Variants in NLRP2 observed in about 807,000 individuals in gnomAD.
NLRP2 encodes the protein NACHT, LRR and PYD domains-containing protein 2.
In NLRP2, 107 loss-of-function variants were observed where a neutral mutation model predicts 97.2. The observed-to-expected ratio is 1.10, with a 90% CI of 0.94 to 1.29. NLRP2 has a LOEUF of 1.29. Among genes scored for constraint, NLRP2 ranks in the 50% most tolerant of loss-of-function variants. The pLI is 0.00. For missense variants in NLRP2, 1,495 were observed against 1,330.3 expected (o/e 1.12, Z -1.93); for synonymous variants, 663 against 551.5 (o/e 1.20, Z -2.83).
intron 10 of NLRP2, among the ~76,000 whole-genome samples, chr19:54,992,424 AAAG>A (rs1053184309): frequency 3.3e-5 from 5 of 152,036 alleles, no homozygotes; most frequent in African/African-American, 7.2e-5. Flanking sequence ...AAACATTAAA[AAAG>A]AAGTCCCACA....
rs1195197546 is a variant in NLRP2 at position 54,982,700 on chromosome 19, C to G, written c.1002C>G (p.Val334=). Residue 334 remains valine, a synonymous_variant, in exon 6 of 13, where the codon GTC becomes GTG. Coordinates refer to ENST00000448584, the MANE Select transcript of NLRP2 (RefSeq NM_017852.5). The part of the protein sequence containing the change: ...RVMLPKAALL[V]TTRPRALRDL... ...TGTTACCCAAGGCCGCCCTGCTGGT[C>G]ACCACGCGGCCCAGGGCCCTGAGGG... 1 of 1,614,054 alleles carries G rather than the reference C, an allele frequency of 6.2e-7. No individual in the cohort carries two copies. Among genetic ancestry groups the G allele is most frequent in the South Asian group, 1.1e-5 (1 of 91,070 alleles).
At chr19:54,966,932 C>A (rs947606012) in intron 1 of NLRP2, among the ~76,000 whole-genome samples, 3 of 148,686 alleles carry the variant, frequency 2.0e-5, no homozygotes, top group Admixed American at 6.9e-5. Flanking sequence ...CCCTTGACCT[C>A]TCAGGTTCAA....
chr19:55,000,974 T>C lies in NLRP2; in HGVS notation c.*76T>C. On this transcript the variant is annotated 3_prime_UTR_variant, in exon 13 of 13. Coordinates refer to ENST00000448584, the MANE Select transcript of NLRP2 (RefSeq NM_017852.5). ...GGTGAACTGCCTGTGACTCCTCTCC[T>C]CCCCGGCCCCTACCCCTCAGGGATA... The C allele has an allele frequency of 7.3e-7, 1 of 1,363,744 alleles. No homozygotes were observed. The highest frequency in any genetic ancestry group is 1.0e-6 in the Non-Finnish European group (1 of 956,560). 84.5% of individuals were successfully genotyped at this position (1,363,744 alleles called of 1,614,324 possible).
chr19:54,976,712 T>TC, intron 3 of NLRP2: 2 of 406,380 alleles, frequency 4.9e-6, no homozygotes, highest in South Asian at 3.6e-5. Context: ...CGTGTCCAGT[T>TC]CCCTCCCCAG....
At chr19:54,982,087 C>G in intron 5 of NLRP2, 75 bp from the exon 6 acceptor site, 1 of 1,587,056 alleles carries the variant, frequency 6.3e-7, no homozygotes, top group Non-Finnish European at 8.6e-7. Context: ...CAACACAAGG[C>G]ATTTTGTTAT....
intron 3 of NLRP2, among the ~76,000 whole-genome samples, chr19:54,976,292 A>G (rs1334559181): frequency 6.9e-6 from 1 of 145,760 alleles, no homozygotes; most frequent in Non-Finnish European, 1.5e-5. Flanking sequence ...TGACCTCGTG[A>G]TCCACGTGCC....
chr19:54,970,955 A>T (rs1400958546), intron 2 of NLRP2, among the ~76,000 whole-genome samples: 1 of 113,110 alleles, frequency 8.8e-6, no homozygotes, highest in Non-Finnish European at 1.8e-5. Flanking sequence ...ATATCTCCCA[A>T]TGCTATCCCT....
chr19:55,000,267 TG>T, intron 12 of NLRP2, among the ~76,000 whole-genome samples: 1 of 121,820 alleles, frequency 8.2e-6, no homozygotes, highest in Non-Finnish European at 1.7e-5. Flanking sequence ...ACAGAGAGAC[TG>T]TCTTTTTTTT....
rs776710250 is a variant in NLRP2, at chr19:54,982,298, G to A, written c.600G>A (p.Val200=). The change falls in exon 6 of 13, where the codon GTG becomes GTA. Residue 200 remains valine, a synonymous_variant. Coordinates refer to ENST00000448584, the MANE Select transcript of NLRP2 (RefSeq NM_017852.5). ...KMLIPFSNPR[V]LPGPFSYTVV... is the part of the protein sequence containing the mutation. ...TGATCCCATTCAGCAACCCCAGGGTGCTTCCCGGGCCCTTCTCATACACGG... is the reference window on the plus strand; with the variant it reads ...TGATCCCATTCAGCAACCCCAGGGTACTTCCCGGGCCCTTCTCATACACGG... The A allele has an allele frequency of 5.6e-6, 9 of 1,614,106 alleles. No individual in the cohort carries two copies. The South Asian group carries it at 9.9e-5, about 18-fold the overall frequency.
intron 2 of NLRP2, 124 bp from the exon 3 acceptor site, chr19:54,974,376 C>G: frequency 1.3e-6 from 1 of 792,540 alleles, no homozygotes; most frequent in Non-Finnish European, 2.2e-6. Context: ...GCATTTTGAA[C>G]TGGAAGGAGA....
In NLRP2 at chr19:54,982,727, C is replaced by T. The variant is rs1360402507; in HGVS notation, c.1029C>T (p.Asp343=). The part of the protein sequence containing the change: ...LVTTRPRALR[D]LRILAEEPIY... Reference sequence around the variant, plus strand: ...CCACGCGGCCCAGGGCCCTGAGGGACCTCCGGATCCTGGCGGAGGAGCCGA... The same window carrying T: ...CCACGCGGCCCAGGGCCCTGAGGGATCTCCGGATCCTGGCGGAGGAGCCGA... Residue 343 remains aspartate, a synonymous_variant, in exon 6 of 13, where the codon GAC becomes GAT. Coordinates refer to ENST00000448584, the MANE Select transcript of NLRP2 (RefSeq NM_017852.5). The T allele has an allele frequency of 1.2e-6, 2 of 1,613,902 alleles. No homozygotes were observed. The highest frequency in any genetic ancestry group is 1.7e-6 in the Non-Finnish European group (2 of 1,179,970).
At chr19:54,989,784 G>A (rs2072334231) in intron 8 of NLRP2, 1 of 581,836 alleles carries the variant, frequency 1.7e-6, no homozygotes, top group East Asian at 2.9e-5. Flanking sequence ...GGGAGTTTGA[G>A]ACCAGCCTGA....
intron 3 of NLRP2, among the ~76,000 whole-genome samples, chr19:54,974,748 A>G (rs891959493): frequency 2.6e-5 from 4 of 152,190 alleles, no homozygotes; most frequent in African/African-American, 9.6e-5. Context: ...GGAAATCTAT[A>G]AATACATACA....
chr19:54,994,835 C>T (rs1258081216), intron 11 of NLRP2, among the ~76,000 whole-genome samples: 1 of 151,660 alleles, frequency 6.6e-6, no homozygotes, highest in Admixed American at 6.6e-5. Context: ...TCTCAAACTC[C>T]TGACCTCAGG....
intron 4 of NLRP2, among the ~76,000 whole-genome samples, chr19:54,978,402 T>G (rs921755735): frequency 4.0e-5 from 6 of 151,210 alleles, no homozygotes; most frequent in African/African-American, 1.5e-4. Flanking sequence ...GCCCAGCTAA[T>G]TTTTTTTTGT....
At chr19:54,994,510 A>G in intron 11 of NLRP2, 71 bp downstream of exon 11, 6 of 1,525,774 alleles carry the variant, frequency 3.9e-6, no homozygotes, top group Non-Finnish European at 5.4e-6. Context: ...TAAAATAATC[A>G]GTGAAGCCGA....
chr19:54,983,708 A>G lies in NLRP2; in HGVS notation c.2010A>G (p.Glu670=). 6.2e-7 allele frequency: 1 copy of G among 1,612,222 alleles called. No individual in the cohort carries two copies. Among genetic ancestry groups the G allele is most frequent in the South Asian group, 1.1e-5 (1 of 91,030 alleles). The part of the protein sequence containing the change: ...ENLPENVTAS[E]SDAEVERSQD... The stretch of plus-strand genomic sequence containing the variant: ...TCCCGGAGAATGTCACTGCGTCTGA[A>G]TCAGACGCCGAGGTTGAGAGGTGAG... Residue 670 remains glutamate, a synonymous_variant, in exon 6 of 13, where the codon GAA becomes GAG. Transcript: ENST00000448584.
In NLRP2 at chr19:54,994,424, A is replaced by G. The variant is rs528767497; in HGVS notation, c.2864A>G (p.Asn955Ser). 1.1e-5 allele frequency: 18 copies of G among 1,612,932 alleles called. No homozygotes were observed. In the South Asian group the frequency reaches 1.8e-4, roughly 16 times the overall value. ...GAGGCTTTGAGGAAACCACTGTGCA[A>G]CTTGAGATGTCTGTGGTGAGTTAAC... The part of the protein sequence containing the change: ...LCEALRKPLC[N>S]LRCLWLWGCS... The change falls in exon 11 of 13, where the codon AAC becomes AGC. Residue 955 changes from asparagine (N) to serine (S), a missense_variant. Asn to Ser is a conservative substitution (Grantham distance 46). Coordinates refer to ENST00000448584, the MANE Select transcript of NLRP2 (RefSeq NM_017852.5).
chr19:54,969,858 T>C (rs2070729851), intron 1 of NLRP2, 141 bp from the exon 2 acceptor site: 2 of 809,624 alleles, frequency 2.5e-6, no homozygotes, highest in Non-Finnish European at 4.1e-6. Context: ...GGTCTCACTA[T>C]GTTGCCCAGG....
Sources: gnomAD v4.1 joint callset for allele counts (sites outside exome capture counted in the v4.1 genomes callset) on GRCh38, gnomAD v4.1.1 for gene constraint, MANE v1.5 for transcripts, NCBI Gene and HGNC (gene_info 2026-07-23, HGNC 2026-07-21) for gene names.